Variants in TSPEAR observed in about 807,000 individuals in gnomAD.
The protein encoded by TSPEAR is thrombospondin-type laminin G domain and EAR repeat-containing protein.
TSPEAR carries 69 observed loss-of-function variants against 71.6 expected under a neutral mutation model. That is an observed-to-expected ratio of 0.96 (90% confidence interval 0.79 to 1.18). The LOEUF is 1.18. Among genes scored for constraint, TSPEAR ranks in the 50% most tolerant of loss-of-function variants. TSPEAR has a pLI of 0.00. For synonymous variants in TSPEAR, 402 were observed against 387.2 expected (o/e 1.04, Z -0.45); for missense variants, 971 against 894.9 (o/e 1.09, Z -1.09).
chr21:44,561,861 C>G (rs2053638668), intron 2 of TSPEAR, among the ~76,000 whole-genome samples: 1 of 152,112 alleles, frequency 6.6e-6, no homozygotes, highest in African/African-American at 2.4e-5. Flanking sequence ...ATGATAAACC[C>G]ATAGTCAATA....
chr21:44,500,009 G>A (rs1484807039), intron 11 of TSPEAR, 73 bp from the exon 12 acceptor site: 74 of 1,467,842 alleles, frequency 5.0e-5, no homozygotes, highest in African/African-American at 4.9e-4. Context: ...GCTCCCACCC[G>A]CGCTGTCAGG....
intron 1 of TSPEAR, among the ~76,000 whole-genome samples, chr21:44,569,355 T>A (rs1437159525): frequency 1.3e-5 from 2 of 152,146 alleles, no homozygotes; most frequent in East Asian, 3.9e-4. Context: ...TAACGGGCAC[T>A]TACAAAAACC....
At chr21:44,573,059 G>A (rs587609242) in intron 1 of TSPEAR, among the ~76,000 whole-genome samples, 168 of 152,148 alleles carry the variant, frequency 1.1e-3, no homozygotes, top group African/African-American at 3.5e-3. Context: ...CAGACTTCTG[G>A]CTTCCAAAAC....
chr21:44,544,525 A>G (rs1328372346), intron 2 of TSPEAR, among the ~76,000 whole-genome samples: 1 of 152,254 alleles, frequency 6.6e-6, no homozygotes, highest in Non-Finnish European at 1.5e-5. Flanking sequence ...CTACAAAGCA[A>G]GCTATGGACC....
chr21:44,697,828 G>A (rs782380109), intron 1 of TSPEAR: 1 of 1,613,372 alleles, frequency 6.2e-7, no homozygotes, highest in East Asian at 2.2e-5. Context: ...CCCGCCGCGT[G>A]CCCGTCCCCT....
chr21:44,515,540 C>T (rs2052539061), intron 9 of TSPEAR: 1 of 152,394 alleles, frequency 6.6e-6, no homozygotes, highest in African/African-American at 2.4e-5. Flanking sequence ...GGGTCGCTAG[C>T]CCAGACCCTC....
chr21:44,527,916 C>T (rs1168053487), intron 6 of TSPEAR, among the ~76,000 whole-genome samples: 4 of 152,150 alleles, frequency 2.6e-5, no homozygotes, highest in African/African-American at 9.7e-5. Context: ...TCCCCAGCAG[C>T]GGGAACGGAC....
Position 44,533,764 on chromosome 21 carries a change from C to T in TSPEAR, c.463G>A (p.Gly155Ser), listed in dbSNP as rs1555916004. 1 of 1,612,468 alleles carries T rather than the reference C, an allele frequency of 6.2e-7. No homozygotes were observed. The highest frequency in any genetic ancestry group is 8.5e-7 in the Non-Finnish European group (1 of 1,179,874). ...VSFRSPALVD[G>S]RWHTLVLAVS... is the part of the protein sequence containing the mutation. ...GCCAGGACCAGTGTGTGCCAGCGGC[C>T]ATCCACCAGGGCCGGGCTGCGGAAG... Residue 155 changes from glycine to serine, a missense_variant, in exon 3 of 12, where the codon GGC becomes AGC. By Grantham distance (56) the Gly-to-Ser change is moderately conservative. Transcript: ENST00000323084.
chr21:44,564,566 A>G (rs1308983809), intron 2 of TSPEAR, among the ~76,000 whole-genome samples: 2 of 152,232 alleles, frequency 1.3e-5, no homozygotes, highest in East Asian at 3.8e-4. Context: ...ATAAAAGGTC[A>G]ACCTATCATG....
chr21:44,705,358 G>C (rs1319555748), intron 1 of TSPEAR, among the ~76,000 whole-genome samples: 5 of 152,220 alleles, frequency 3.3e-5, no homozygotes, highest in Non-Finnish European at 5.9e-5. Context: ...AGTATGAAAT[G>C]TGGGCACCTT....
At chr21:44,536,259 C>T (rs1372172078) in intron 2 of TSPEAR, among the ~76,000 whole-genome samples, 1 of 152,236 alleles carries the variant, frequency 6.6e-6, no homozygotes, top group Non-Finnish European at 1.5e-5. Context: ...CCTCGGCGTC[C>T]TCCGGCACAG....
At position 44,574,578 on chromosome 21, in the gene TSPEAR, G is replaced by C. The variant is rs587768290; in HGVS notation, c.83-6573C>G. 23 of 1,305,750 alleles carry C rather than the reference G, an allele frequency of 1.8e-5. No homozygotes were observed. In the South Asian group the frequency reaches 3.8e-4, roughly 21 times the overall value. 80.9% of individuals were successfully genotyped at this position (1,305,750 alleles called of 1,614,324 possible). A position where few individuals can be genotyped will look rare whatever the true frequency, so the allele number is the denominator to read the frequency against. On this transcript the variant is annotated intron_variant, in intron 1 of 11. Coordinates refer to ENST00000323084, the MANE Select transcript of TSPEAR (RefSeq NM_144991.3). ...CTGCCAGCAGGCTTGCTGTGTGCCT[G>C]TCTGCTGCAAGCCTGTGTGCTGCAA...
chr21:44,637,973 C>T (rs199609167), intron 1 of TSPEAR: 394 of 1,614,014 alleles, frequency 2.4e-4, no homozygotes, highest in East Asian at 5.1e-4. Flanking sequence ...CTGCTGCAGA[C>T]CCTCCTCCTC....
At chr21:44,557,858 CG>C in intron 2 of TSPEAR, 1 of 685,718 alleles carries the variant, frequency 1.5e-6, no homozygotes. Context: ...CAGTGACCAC[CG>C]GCTGGCCAGC....
At chr21:44,626,590 G>A (rs1555934396) in intron 1 of TSPEAR, among the ~76,000 whole-genome samples, 1 of 152,212 alleles carries the variant, frequency 6.6e-6, no homozygotes, top group South Asian at 2.1e-4. Flanking sequence ...CCAAGCAAAG[G>A]ACAGGGTGGG....
intron 4 of TSPEAR, among the ~76,000 whole-genome samples, chr21:44,530,183 T>G: frequency 7.1e-6 from 1 of 140,310 alleles, no homozygotes; most frequent in South Asian, 2.1e-4. Flanking sequence ...ACAGAAGGGG[T>G]TTTTTATGTG....
chr21:44,500,093 G>A (rs981049444), intron 11 of TSPEAR, among the ~76,000 whole-genome samples, 157 bp from the exon 12 acceptor site: 2 of 152,312 alleles, frequency 1.3e-5, no homozygotes, highest in Admixed American at 1.3e-4. Flanking sequence ...GATCGATTCT[G>A]GGCCATGAGG....
intron 1 of TSPEAR, among the ~76,000 whole-genome samples, chr21:44,577,233 A>G (rs1555924097): frequency 6.6e-6 from 1 of 152,250 alleles, no homozygotes; most frequent in African/African-American, 2.4e-5. Flanking sequence ...CTAAAGAAGC[A>G]TATGTTGAAC....
chr21:44,556,036 T>C (rs2053521945), intron 2 of TSPEAR, among the ~76,000 whole-genome samples: 1 of 152,214 alleles, frequency 6.6e-6, no homozygotes, highest in Non-Finnish European at 1.5e-5. Context: ...AAGGAATCCT[T>C]GTGAACAACA....
Sources: allele counts gnomAD v4.1 joint callset (sites outside exome capture counted in the v4.1 genomes callset), GRCh38; gene constraint gnomAD v4.1.1; transcripts MANE v1.5; gene names NCBI Gene and HGNC (gene_info 2026-07-23, HGNC 2026-07-21).